The following ARHGEF4 variants were observed in gnomAD, a reference collection of about 807,000 sequenced individuals.
ARHGEF4 encodes the protein APC-stimulated guanine nucleotide exchange factor 1.
Under a neutral mutation model 162.0 loss-of-function variants are expected in ARHGEF4, and 119 were observed. The observed-to-expected ratio is 0.73, with a 90% confidence interval of 0.63 to 0.86. The LOEUF (loss-of-function observed/expected upper bound fraction) is 0.86. ARHGEF4 is among the 40% of genes least tolerant of loss of function. ARHGEF4 has a pLI of 0.00. For synonymous variants in ARHGEF4, 1,014 were observed against 979.9 expected (o/e 1.03, Z -0.65); for missense variants, 2,488 against 2,456.0 (o/e 1.01, Z -0.28).
chr2:130,994,923 C>G (rs1687281251), intron 4 of ARHGEF4, among the ~76,000 whole-genome samples: 1 of 152,220 alleles, frequency 6.6e-6, no homozygotes, highest in South Asian at 2.1e-4. Flanking sequence ...TTCTGCACTT[C>G]AGAGTCAGCC....
intron 1 of ARHGEF4, among the ~76,000 whole-genome samples, chr2:130,896,461 A>G (rs1680165486): frequency 5.9e-5 from 9 of 152,214 alleles, no homozygotes. Context: ...GCCTGCAGAC[A>G]TGGGAAGGAC....
In ARHGEF4 at chr2:130,913,678, G is replaced by A. The variant is rs150237148; in HGVS notation, c.40-308G>A. Among the ~76,000 whole-genome samples the A allele has an allele frequency of 6.6e-5, 10 of 152,302 alleles. No individual in the cohort carries two copies. In the East Asian group the frequency reaches 1.9e-3, roughly 29 times the overall value. The stretch of plus-strand genomic sequence containing the variant: ...AACGTTAGGCAGAGATATGCTTTTC[G>A]CCATGACTCATGCAACATTTTTATA... On this transcript the variant is annotated intron_variant, in intron 1 of 13. Transcript: ENST00000409359.
intron 1 of ARHGEF4, among the ~76,000 whole-genome samples, chr2:130,881,820 C>T (rs924399787): frequency 2.0e-5 from 3 of 152,038 alleles, no homozygotes; most frequent in African/African-American, 2.4e-5. Flanking sequence ...GTGTACTGGG[C>T]GGGGAGTGAC....
intron 3 of ARHGEF4, among the ~76,000 whole-genome samples, chr2:130,935,641 G>T (rs746308740): frequency 6.6e-6 from 1 of 152,050 alleles, no homozygotes; most frequent in Non-Finnish European, 1.5e-5. Flanking sequence ...GAAATCTTAT[G>T]ATTTCTTCTT....
At chr2:131,031,743 G>A (rs1478281026) in intron 5 of ARHGEF4, among the ~76,000 whole-genome samples, 1 of 152,192 alleles carries the variant, frequency 6.6e-6, no homozygotes, top group African/African-American at 2.4e-5. Flanking sequence ...GGCCCCTCTA[G>A]GGCCTACCCC....
chr2:130,916,207 C>A lies in ARHGEF4; in HGVS notation c.2261C>A (p.Ala754Asp), dbSNP rs2105057155. ...SGSGERGPEE[A>D]PEGGAAAARG... ...TCAGGGGAGCGTGGCCCGGAGGAGGCCCCCGAAGGCGGTGCTGCAGCAGCC... is the reference window on the plus strand; with the variant it reads ...TCAGGGGAGCGTGGCCCGGAGGAGGACCCCGAAGGCGGTGCTGCAGCAGCC... The change falls in exon 2 of 14, where the codon GCC becomes GAC. Residue 754 changes from alanine (A) to aspartate (D), a missense_variant. Transcript: ENST00000409359. 3 of 1,546,436 alleles carry A rather than the reference C, an allele frequency of 1.9e-6. No homozygotes were observed. The highest frequency in any genetic ancestry group is 2.0e-5 in the Admixed American group (1 of 50,786).
At chr2:131,022,146 G>C (rs1689172097) in intron 4 of ARHGEF4, among the ~76,000 whole-genome samples, 1 of 152,090 alleles carries the variant, frequency 6.6e-6, no homozygotes, top group African/African-American at 2.4e-5. Context: ...TATTATCAAA[G>C]CAATAGTGAT....
intron 4 of ARHGEF4, among the ~76,000 whole-genome samples, chr2:130,972,356 C>G (rs983797071): frequency 6.6e-6 from 1 of 152,146 alleles, no homozygotes; most frequent in Non-Finnish European, 1.5e-5. Context: ...AAAGGAGATC[C>G]TTATATTCCA....
chr2:130,911,302 T>C (rs1681169343), intron 1 of ARHGEF4, among the ~76,000 whole-genome samples: 1 of 152,150 alleles, frequency 6.6e-6, no homozygotes, highest in Non-Finnish European at 1.5e-5. Flanking sequence ...ATAAGACAGT[T>C]GGGAAGTGCC....
intron 1 of ARHGEF4, among the ~76,000 whole-genome samples, chr2:130,846,144 A>G (rs1405214077): frequency 6.6e-6 from 1 of 152,174 alleles, no homozygotes; most frequent in African/African-American, 2.4e-5. Flanking sequence ...TGAGAGCTCA[A>G]ACAAGCCCCT....
At chr2:130,917,989 T>TAA (rs1681626049) in intron 2 of ARHGEF4, among the ~76,000 whole-genome samples, 1 of 152,002 alleles carries the variant, frequency 6.6e-6, no homozygotes, top group Admixed American at 6.6e-5. Context: ...GCCTGGCTAA[T>TAA]TTTTGTTATT....
At chr2:130,899,950 G>C (rs1343155256) in intron 1 of ARHGEF4, among the ~76,000 whole-genome samples, 1 of 152,150 alleles carries the variant, frequency 6.6e-6, no homozygotes, top group Non-Finnish European at 1.5e-5. Context: ...TCAATTCTGT[G>C]TATTTTTAAA....
In ARHGEF4 at chr2:131,039,609, G is replaced by A. The variant is rs1690603219; in HGVS notation, c.4306-407G>A. The stretch of plus-strand genomic sequence containing the variant: ...TGCTCCTCCTGCCCCAGATCCCCTG[G>A]GAAACTGTCCACTCCGCACCCTAAG... On this transcript the variant is annotated intron_variant, in intron 6 of 13. Transcript: ENST00000409359. The A allele has an allele frequency of 3.8e-6, 4 of 1,058,290 alleles. No homozygotes were observed. In the African/African-American group the frequency reaches 5.1e-5, roughly 14 times the overall value. 65.6% of individuals were successfully genotyped at this position (1,058,290 alleles called of 1,614,324 possible).
At chr2:130,990,707 A>G (rs72614454) in intron 4 of ARHGEF4, among the ~76,000 whole-genome samples, 3,661 of 152,266 alleles carry the variant, frequency 0.024, 157 homozygotes, top group East Asian at 0.21. Context: ...AGCTGGAGTC[A>G]TTATCCACTT....
At position 130,889,074 on chromosome 2, in the gene ARHGEF4, C is replaced by T. The variant is rs184042962; in HGVS notation, c.40-24912C>T. Among the ~76,000 whole-genome samples, 285 of 149,724 alleles carry T rather than the reference C, an allele frequency of 1.9e-3. 3 individuals are homozygous for T. Among genetic ancestry groups the T allele is most frequent in the African/African-American group, 6.7e-3 (270 of 40,284 alleles). ...GAGCGGAGATCATGCCATTGCACTC[C>T]GGCCTGGGCAACAAGAACAAAACTC... On this transcript the variant is annotated intron_variant, in intron 1 of 13. Coordinates refer to ENST00000409359, the MANE Select transcript of ARHGEF4 (RefSeq NM_001367493.1).
intron 4 of ARHGEF4, among the ~76,000 whole-genome samples, chr2:130,992,366 A>G (rs909492704): frequency 1.3e-5 from 2 of 152,012 alleles, no homozygotes; most frequent in South Asian, 2.1e-4. Context: ...CTTTGGGTCC[A>G]TGCTGCTTTT....
chr2:130,870,566 C>T (rs1475927047), intron 1 of ARHGEF4, among the ~76,000 whole-genome samples: 1 of 152,148 alleles, frequency 6.6e-6, no homozygotes, highest in Admixed American at 6.5e-5. Flanking sequence ...CAGAACCATG[C>T]ACCTTGAAGT....
chr2:130,864,511 G>A (rs1472376544), intron 1 of ARHGEF4, among the ~76,000 whole-genome samples: 1 of 152,184 alleles, frequency 6.6e-6, no homozygotes, highest in Non-Finnish European at 1.5e-5. Context: ...AATCACTAGA[G>A]GTCAGGAGTT....
intron 4 of ARHGEF4, among the ~76,000 whole-genome samples, chr2:130,988,901 TAGAGAGAGAGAGAGAGAGAG>T (rs368452142): frequency 8.8e-6 from 1 of 113,366 alleles, no homozygotes; most frequent in Non-Finnish European, 1.7e-5. Context: ...TATATATATA[TAGAGAGAGAGAGAGAGAGAG>T]AGAGAGAGAG....
Sources: allele counts gnomAD v4.1 joint callset (sites outside exome capture counted in the v4.1 genomes callset), GRCh38; gene constraint gnomAD v4.1.1; transcripts MANE v1.5; gene names NCBI Gene and HGNC (gene_info 2026-07-23, HGNC 2026-07-21).